TSPAN9: variants seen among roughly 807,000 people sequenced by gnomAD.
The protein encoded by TSPAN9 is tetraspanin-9.
Under a neutral mutation model 31.0 loss-of-function variants are expected in TSPAN9, and 16 were observed. The observed-to-expected ratio is 0.52, with a 90% CI of 0.35 to 0.78. TSPAN9 has a LOEUF of 0.78. Among genes scored for constraint, TSPAN9 ranks in the 30% least tolerant of loss-of-function variants. TSPAN9 has a pLI of 0.01. For synonymous variants in TSPAN9, 145 were observed against 121.6 expected (o/e 1.19, Z -1.27); for missense variants, 272 against 312.5 (o/e 0.87, Z 0.98).
intron 3 of TSPAN9, among the ~76,000 whole-genome samples, chr12:3,275,596 C>T (rs1342320424): frequency 6.6e-6 from 1 of 152,264 alleles, no homozygotes; most frequent in Non-Finnish European, 1.5e-5. Context: ...GCTGGCGAAC[C>T]CAGAGCTTCT....
chr12:3,085,332 T>G (rs2098299902), intron 2 of TSPAN9, among the ~76,000 whole-genome samples: 1 of 151,084 alleles, frequency 6.6e-6, no homozygotes, highest in Non-Finnish European at 1.5e-5. Flanking sequence ...CAGAACTTGG[T>G]GAAGGGCTCC....
At chr12:3,261,358 C>T in intron 3 of TSPAN9, among the ~76,000 whole-genome samples, 1 of 152,126 alleles carries the variant, frequency 6.6e-6, no homozygotes, top group East Asian at 1.9e-4. Context: ...ATTATTATCC[C>T]CATTTTACAG....
At chr12:3,136,351 T>G (rs1243966175) in intron 2 of TSPAN9, among the ~76,000 whole-genome samples, 1 of 152,224 alleles carries the variant, frequency 6.6e-6, no homozygotes, top group African/African-American at 2.4e-5. Flanking sequence ...TGGGCATTCT[T>G]AAGCCTTTGC....
At chr12:3,267,200 G>A (rs1352570052) in intron 3 of TSPAN9, among the ~76,000 whole-genome samples, 1 of 152,084 alleles carries the variant, frequency 6.6e-6, no homozygotes, top group African/African-American at 2.4e-5. Flanking sequence ...TCTCCTAGAC[G>A]ATTGGAGCTC....
intron 3 of TSPAN9, among the ~76,000 whole-genome samples, chr12:3,238,490 C>T (rs1469738964): frequency 6.6e-6 from 1 of 152,216 alleles, no homozygotes; most frequent in Non-Finnish European, 1.5e-5. Flanking sequence ...AGGTCCGGCT[C>T]CTTCTCCTTT....
chr12:3,154,400 T>C (rs1184776023), intron 2 of TSPAN9, among the ~76,000 whole-genome samples: 1 of 152,130 alleles, frequency 6.6e-6, no homozygotes, highest in East Asian at 1.9e-4. Flanking sequence ...CTAAGTGCAC[T>C]CCCCATCTGA....
chr12:3,120,044 C>T (rs146993188), intron 2 of TSPAN9, among the ~76,000 whole-genome samples: 22 of 152,298 alleles, frequency 1.4e-4, no homozygotes, highest in African/African-American at 3.4e-4. Flanking sequence ...CCAGCAGTTC[C>T]GCGGTTTCAG....
At chr12:3,240,285 GGA>G (rs1385787417) in intron 3 of TSPAN9, among the ~76,000 whole-genome samples, 1 of 152,094 alleles carries the variant, frequency 6.6e-6, no homozygotes, top group African/African-American at 2.4e-5. Flanking sequence ...CAGGCTACGG[GGA>G]GAGAGAGAGT....
At chr12:3,186,715 T>G (rs905949273) in intron 2 of TSPAN9, among the ~76,000 whole-genome samples, 2 of 152,182 alleles carry the variant, frequency 1.3e-5, no homozygotes, top group African/African-American at 4.8e-5. Flanking sequence ...ATTTCAGTTG[T>G]GTTTTTCTTG....
At chr12:3,174,992 C>T (rs1322289944) in intron 2 of TSPAN9, among the ~76,000 whole-genome samples, 1 of 152,092 alleles carries the variant, frequency 6.6e-6, no homozygotes, top group Non-Finnish European at 1.5e-5. Flanking sequence ...TCTTTTCTTC[C>T]TTATTTTCTG....
chr12:3,085,331 G>T (rs545149759), intron 2 of TSPAN9, among the ~76,000 whole-genome samples: 1 of 152,012 alleles, frequency 6.6e-6, no homozygotes, highest in African/African-American at 2.4e-5. Flanking sequence ...ACAGAACTTG[G>T]TGAAGGGCTC....
intron 3 of TSPAN9, among the ~76,000 whole-genome samples, chr12:3,234,896 T>C (rs888008493): frequency 9.6e-4 from 144 of 150,572 alleles, no homozygotes; most frequent in African/African-American, 2.7e-3. Context: ...CGTGGTGGCT[T>C]ACGCCTGTCA....
intron 3 of TSPAN9, among the ~76,000 whole-genome samples, chr12:3,258,362 G>A (rs1261229126): frequency 6.6e-6 from 1 of 152,100 alleles, no homozygotes; most frequent in African/African-American, 2.4e-5. Flanking sequence ...TTCCATCCAG[G>A]GATATATTCT....
Position 3,276,790 on chromosome 12 carries a change from T to C in TSPAN9, c.64-1631T>C, listed in dbSNP as rs552896952. On this transcript the variant is annotated intron_variant, in intron 3 of 8. Transcript: ENST00000011898. ...TGAGGTGTACCACTGTCTCCCCAGC[T>C]TGGAGAACAGGGCCTGGCACTGAAT... Among the ~76,000 whole-genome samples the C allele has an allele frequency of 3.3e-5, 5 of 152,326 alleles. No homozygotes were observed. The East Asian group carries it at 9.6e-4, about 29-fold the overall frequency.
intron 2 of TSPAN9, among the ~76,000 whole-genome samples, chr12:3,113,962 C>T (rs1211543517): frequency 6.6e-6 from 1 of 152,198 alleles, no homozygotes; most frequent in East Asian, 1.9e-4. Context: ...GCAGCATTTC[C>T]CCCCATTTAT....
chr12:3,224,601 C>A (rs1156412317), intron 3 of TSPAN9, among the ~76,000 whole-genome samples: 1 of 152,192 alleles, frequency 6.6e-6, no homozygotes, highest in Non-Finnish European at 1.5e-5. Context: ...GACCGTGTAT[C>A]TGGGGAAGCT....
At chr12:3,081,830 GTGTGTC>G (rs1481665934) in intron 1 of TSPAN9, among the ~76,000 whole-genome samples, 17 of 38,292 alleles carry the variant, frequency 4.4e-4, no homozygotes, top group African/African-American at 2.9e-4. Flanking sequence ...GTGTGTGTGT[GTGTGTC>G]TGTGTGTGTA....
chr12:3,090,847 C>G (rs1206294561), intron 2 of TSPAN9, among the ~76,000 whole-genome samples: 2 of 152,232 alleles, frequency 1.3e-5, no homozygotes, highest in African/African-American at 4.8e-5. Flanking sequence ...AGTGCAGACC[C>G]CTTCTCCTCC....
intron 2 of TSPAN9, among the ~76,000 whole-genome samples, chr12:3,089,522 C>G (rs1259549330): frequency 2.6e-5 from 4 of 151,824 alleles, no homozygotes; most frequent in South Asian, 2.1e-4. Flanking sequence ...GTCTCGATCT[C>G]CTGACCTCGT....
Sources: allele counts gnomAD v4.1 joint callset (sites outside exome capture counted in the v4.1 genomes callset), GRCh38; gene constraint gnomAD v4.1.1; transcripts MANE v1.5; gene names NCBI Gene and HGNC (gene_info 2026-07-23, HGNC 2026-07-21).